Variants in CADPS observed in about 807,000 individuals in gnomAD.
CADPS encodes the protein calcium-dependent secretion activator 1.
Under a neutral mutation model 167.3 loss-of-function variants are expected in CADPS, and 57 were observed. That is an observed-to-expected ratio of 0.34 (90% CI 0.28 to 0.42). The LOEUF (loss-of-function observed/expected upper bound fraction) is 0.42, where lower values mean the gene tolerates loss of function less well. CADPS is among the 20% of genes least tolerant of loss of function. The pLI is 1.00. For synonymous variants in CADPS, 676 were observed against 635.3 expected, an observed-to-expected ratio of 1.06 and a Z score of -0.96; for missense variants, 1,414 against 1,738.1, an observed-to-expected ratio of 0.81 and a Z score of 3.32.
chr3:62,655,316 T>A (rs937748836), intron 4 of CADPS, among the ~76,000 whole-genome samples: 5 of 152,102 alleles, frequency 3.3e-5, no homozygotes, highest in Non-Finnish European at 7.4e-5. Flanking sequence ...CAGTCGTCCA[T>A]CTCCATTGCT....
intron 3 of CADPS, among the ~76,000 whole-genome samples, chr3:62,734,431 T>C (rs2078573223): frequency 6.6e-6 from 1 of 152,208 alleles, no homozygotes; most frequent in Admixed American, 6.5e-5. Flanking sequence ...AGCTCCCTGG[T>C]GTACTTTTAA....
chr3:62,789,117 C>T (rs747262531), intron 1 of CADPS, among the ~76,000 whole-genome samples: 18 of 152,128 alleles, frequency 1.2e-4, no homozygotes, highest in East Asian at 5.8e-4. Flanking sequence ...ACTGTGGCAA[C>T]ATAAAACTGA....
intron 3 of CADPS, among the ~76,000 whole-genome samples, chr3:62,731,657 AT>A (rs2077828010): frequency 6.6e-6 from 1 of 151,996 alleles, no homozygotes; most frequent in South Asian, 2.1e-4. Context: ...AAGCAAATAA[AT>A]TGCAATGTGA....
intron 6 of CADPS, among the ~76,000 whole-genome samples, chr3:62,642,915 G>GACAGA: frequency 6.8e-6 from 1 of 146,886 alleles, no homozygotes; most frequent in East Asian, 2.1e-4. Flanking sequence ...TATCTCAAAA[G>GACAGA]ACAAAACAAA....
chr3:62,734,667 G>A (rs1167265810), intron 3 of CADPS, among the ~76,000 whole-genome samples: 2 of 152,086 alleles, frequency 1.3e-5, no homozygotes, highest in Non-Finnish European at 2.9e-5. Context: ...TATTGTTACT[G>A]TATTCTATTG....
chr3:62,799,612 C>T (rs2093646241), intron 1 of CADPS, among the ~76,000 whole-genome samples: 1 of 152,108 alleles, frequency 6.6e-6, no homozygotes, highest in Non-Finnish European at 1.5e-5. Context: ...TTGGCTCTTC[C>T]AGTTTCTGTG....
At position 62,753,921 on chromosome 3, in the gene CADPS, G is replaced by A; in HGVS notation, c.556-148C>T. On this transcript the variant is annotated intron_variant, in intron 2 of 29. Coordinates refer to ENST00000383710, the MANE Select transcript of CADPS (RefSeq NM_003716.4). The surrounding 1 kb of genome is among the most constrained non-coding windows in gnomAD (Gnocchi z 4.6). ...CACCCTGCCCCACCACCTCCTGGCT[G>A]TGCAAACTCAGAGTAGTCTCTTACA... 1 of 677,776 alleles carries A rather than the reference G, an allele frequency of 1.5e-6. No individual in the cohort carries two copies. The highest frequency in any genetic ancestry group is 2.5e-6 in the Non-Finnish European group (1 of 397,436). 42.0% of individuals were successfully genotyped at this position (677,776 alleles called of 1,614,324 possible). A position where few individuals can be genotyped will look rare whatever the true frequency, so the allele number is the denominator to read the frequency against.
At chr3:62,627,965 C>T (rs1331706472) in intron 6 of CADPS, among the ~76,000 whole-genome samples, 2 of 152,156 alleles carry the variant, frequency 1.3e-5, no homozygotes, top group African/African-American at 2.4e-5. Flanking sequence ...TCAGTCAATC[C>T]ATCCCTTCCC....
intron 6 of CADPS, among the ~76,000 whole-genome samples, chr3:62,607,310 ATGC>A (rs2060823760): frequency 6.6e-6 from 1 of 152,216 alleles, no homozygotes; most frequent in Non-Finnish European, 1.5e-5. Flanking sequence ...AGGCCTGGCT[ATGC>A]TGGCCAAGCC....
chr3:62,494,250 C>A (rs1444200210), intron 18 of CADPS, among the ~76,000 whole-genome samples: 1 of 152,190 alleles, frequency 6.6e-6, no homozygotes, highest in African/African-American at 2.4e-5. Flanking sequence ...TTAGGGCTTA[C>A]TCCACTGACT....
chr3:62,510,692 A>G (rs796587137), intron 17 of CADPS, among the ~76,000 whole-genome samples: 27 of 152,248 alleles, frequency 1.8e-4, no homozygotes, highest in African/African-American at 6.5e-4. Flanking sequence ...GCAGCTGTCC[A>G]TATTTCAGTC....
chr3:62,795,436 C>G (rs73108332), intron 1 of CADPS, among the ~76,000 whole-genome samples: 26,411 of 152,098 alleles, frequency 0.17, 2,675 homozygotes, highest in Middle Eastern at 0.3. Context: ...CACATTCTAT[C>G]TTAGCATGTG....
chr3:62,512,873 T>C, intron 16 of CADPS, 105 bp from the exon 17 acceptor site: 2 of 861,342 alleles, frequency 2.3e-6, no homozygotes, highest in Non-Finnish European at 3.5e-6. Flanking sequence ...TTATGTGTGA[T>C]ACATGATATT....
chr3:62,827,322 A>T (rs2074244679), intron 1 of CADPS, among the ~76,000 whole-genome samples: 1 of 152,198 alleles, frequency 6.6e-6, no homozygotes, highest in African/African-American at 2.4e-5. Context: ...ATACTGGGGG[A>T]CACCTAATAC....
At chr3:62,470,837 T>TGG (rs2060514283) in intron 24 of CADPS, 1 of 152,054 alleles carries the variant, frequency 6.6e-6, no homozygotes, top group Non-Finnish European at 1.5e-5. Flanking sequence ...GATGTGTGTG[T>TGG]GTGTGTGCGC....
intron 3 of CADPS, among the ~76,000 whole-genome samples, chr3:62,674,214 C>T (rs115756777): frequency 2.6e-5 from 4 of 152,250 alleles, no homozygotes; most frequent in Non-Finnish European, 5.9e-5. Context: ...AATCACAGAG[C>T]TGCCCATGTC....
intron 28 of CADPS, among the ~76,000 whole-genome samples, chr3:62,422,636 C>T (rs2051685313): frequency 6.6e-6 from 1 of 152,154 alleles, no homozygotes; most frequent in Non-Finnish European, 1.5e-5. Flanking sequence ...TTTCACATTG[C>T]TGACATCTTA....
At chr3:62,511,981 G>C (rs1429106937) in intron 17 of CADPS, among the ~76,000 whole-genome samples, 1 of 152,132 alleles carries the variant, frequency 6.6e-6, no homozygotes, top group Non-Finnish European at 1.5e-5. Context: ...AGGTTTATGA[G>C]TCTTCAAATA....
intron 13 of CADPS, among the ~76,000 whole-genome samples, chr3:62,519,691 C>A (rs187256274): frequency 6.6e-6 from 1 of 152,258 alleles, no homozygotes; most frequent in Admixed American, 6.5e-5. Flanking sequence ...GTGATCATAG[C>A]TCACTGTGGC....
Sources: gnomAD v4.1 joint callset for allele counts (sites outside exome capture counted in the v4.1 genomes callset) on GRCh38, gnomAD v4.1.1 for gene constraint, Gnocchi (gnomAD v3.1) non-coding constraint, MANE v1.5 for transcripts, NCBI Gene and HGNC (gene_info 2026-07-23, HGNC 2026-07-21) for gene names.